Variants in CACNA2D3 observed in about 807,000 individuals in gnomAD.
CACNA2D3 encodes the protein voltage-dependent calcium channel subunit alpha-2/delta-3.
A neutral mutation model predicts 160.6 loss-of-function variants in CACNA2D3; 60 were observed. The observed-to-expected ratio is 0.37, with a 90% CI of 0.30 to 0.46. The LOEUF is 0.46. Ranked by LOEUF, CACNA2D3 falls within the 20% of genes least tolerant of loss-of-function variation. The pLI, the probability that CACNA2D3 is intolerant of heterozygous loss-of-function variation, is 1.00. For missense variants in CACNA2D3, 1,205 were observed against 1,365.0 expected, an observed-to-expected ratio of 0.88 and a Z score of 1.85; for synonymous variants, 558 against 492.9, an observed-to-expected ratio of 1.13 and a Z score of -1.75.
intron 2 of CACNA2D3, among the ~76,000 whole-genome samples, chr3:54,278,816 A>G (rs1456961335): frequency 6.6e-6 from 1 of 152,018 alleles, no homozygotes; most frequent in Non-Finnish European, 1.5e-5. Flanking sequence ...GGGGAACATC[A>G]CACACCAGGG....
intron 2 of CACNA2D3, among the ~76,000 whole-genome samples, chr3:54,153,700 G>A (rs1218905996): frequency 6.6e-6 from 1 of 152,226 alleles, no homozygotes; most frequent in Non-Finnish European, 1.5e-5. Flanking sequence ...AGACTGGTGT[G>A]TGTGTATGTA....
At chr3:54,317,527 G>A (rs938429762) in intron 2 of CACNA2D3, among the ~76,000 whole-genome samples, 9 of 151,782 alleles carry the variant, frequency 5.9e-5, no homozygotes, top group African/African-American at 2.2e-4. Context: ...GCAAGAGTGG[G>A]CCAAACTCAC....
chr3:54,742,036 T>C (rs1463943572), intron 11 of CACNA2D3, among the ~76,000 whole-genome samples: 2 of 152,060 alleles, frequency 1.3e-5, no homozygotes, highest in African/African-American at 4.8e-5. Flanking sequence ...TTGGCTAATT[T>C]TTATATTTTT....
rs397755008 is a variant in CACNA2D3 at position 54,591,567 on chromosome 3, GTTTTTT to G, written c.963+9705_963+9710del. Among the ~76,000 whole-genome samples the G allele has an allele frequency of 3.3e-5, 4 of 121,356 alleles. No homozygotes were observed. In the East Asian group the frequency reaches 8.2e-4, roughly 25 times the overall value. 79.6% of individuals were successfully genotyped at this position (121,356 alleles called of 152,430 possible). The stretch of plus-strand genomic sequence containing the variant: ...TGGGAGAGGACTGTGGTTGAAAAAA[GTTTTTT>G]TTTTTTTTTTTTTTCACATCACTAG... On this transcript the variant is annotated intron_variant, in intron 9 of 37. Transcript: ENST00000474759.
chr3:55,046,371 G>A lies in CACNA2D3; in HGVS notation c.2988-27074G>A, dbSNP rs1276723020. ...GCAGTGTTTGGTTTTTTGTTCTTGC[G>A]ATAGTTTACTGAGAATGATGATTTC... is the stretch of plus-strand genomic sequence containing the variant. On this transcript the variant is annotated intron_variant, in intron 35 of 37. Coordinates refer to ENST00000474759, the MANE Select transcript of CACNA2D3 (RefSeq NM_018398.3). Among the ~76,000 whole-genome samples the A allele has an allele frequency of 3.7e-5, 4 of 109,324 alleles. 1 individual carries two copies. The highest frequency in any genetic ancestry group is 2.3e-4 in the East Asian group (1 of 4,342). 71.7% of individuals were successfully genotyped at this position (109,324 alleles called of 152,430 possible).
chr3:54,681,550 C>G (rs1700351274), intron 11 of CACNA2D3, among the ~76,000 whole-genome samples: 1 of 146,732 alleles, frequency 6.8e-6, no homozygotes, highest in African/African-American at 2.5e-5. Flanking sequence ...GAGTGAGACT[C>G]CATCTCAAAA....
chr3:54,564,508 G>A (rs1575348676), intron 6 of CACNA2D3, among the ~76,000 whole-genome samples: 1 of 152,188 alleles, frequency 6.6e-6, no homozygotes, highest in African/African-American at 2.4e-5. Flanking sequence ...CTCTGTGCTT[G>A]GTTCTGAACA....
chr3:54,597,377 ATTTC>A (rs754792747), intron 9 of CACNA2D3, among the ~76,000 whole-genome samples: 1 of 151,732 alleles, frequency 6.6e-6, no homozygotes, highest in Non-Finnish European at 1.5e-5. Flanking sequence ...TATAACAGGC[ATTTC>A]TTTCTTTCTT....
intron 4 of CACNA2D3, among the ~76,000 whole-genome samples, chr3:54,461,304 G>T (rs1372910113): frequency 1.3e-5 from 2 of 150,822 alleles, no homozygotes; most frequent in East Asian, 3.9e-4. Flanking sequence ...ATGAGTTAGG[G>T]AGGATTCCCT....
chr3:54,176,254 C>A (rs1443212965), intron 2 of CACNA2D3, among the ~76,000 whole-genome samples: 1 of 152,198 alleles, frequency 6.6e-6, no homozygotes, highest in Non-Finnish European at 1.5e-5. Context: ...CTTCTTTCCT[C>A]GCTCCAGGAT....
chr3:54,875,991 CTA>C (rs922087395), intron 18 of CACNA2D3, among the ~76,000 whole-genome samples: 1 of 152,218 alleles, frequency 6.6e-6, no homozygotes, highest in Non-Finnish European at 1.5e-5. Flanking sequence ...CTTTCTCTGA[CTA>C]TGTGTTAAGT....
intron 11 of CACNA2D3, among the ~76,000 whole-genome samples, chr3:54,675,382 G>A (rs1484921240): frequency 3.3e-5 from 5 of 152,170 alleles, no homozygotes; most frequent in Non-Finnish European, 4.4e-5. Context: ...CAAAGGAACG[G>A]CTGGACAGAG....
At chr3:54,209,570 T>G (rs1701335072) in intron 2 of CACNA2D3, among the ~76,000 whole-genome samples, 1 of 152,218 alleles carries the variant, frequency 6.6e-6, no homozygotes, top group South Asian at 2.1e-4. Flanking sequence ...CAACTTTATT[T>G]AAAGAAAAGC....
intron 11 of CACNA2D3, among the ~76,000 whole-genome samples, chr3:54,642,492 A>C (rs1699544934): frequency 6.6e-6 from 1 of 152,198 alleles, no homozygotes; most frequent in Admixed American, 6.5e-5. Context: ...TTCATTGTGA[A>C]GTGTGCTTCA....
chr3:54,896,869 T>C lies in CACNA2D3; in HGVS notation c.2367T>C (p.Thr789=), dbSNP rs1458352435. The change falls in exon 26 of 38, where the codon ACT becomes ACC. Residue 789 remains threonine (T), a splice_region_variant and synonymous_variant. Transcript: ENST00000474759. ...GSFVYSIPFS[T]GPVNKSNVVT... Reference sequence around the variant, plus strand: ...TCGTCTACTCGATCCCATTCAGCACTGGTGGGTGCCCTTGTTGGAGGCGGG... The same window carrying C: ...TCGTCTACTCGATCCCATTCAGCACCGGTGGGTGCCCTTGTTGGAGGCGGG... 6.2e-7 allele frequency: 1 copy of C among 1,613,850 alleles called. No individual in the cohort carries two copies. Among genetic ancestry groups the C allele is most frequent in the East Asian group, 2.2e-5 (1 of 44,888 alleles).
intron 29 of CACNA2D3, among the ~76,000 whole-genome samples, chr3:54,977,318 A>G (rs997319562): frequency 1.1e-4 from 17 of 152,082 alleles, no homozygotes; most frequent in African/African-American, 3.9e-4. Flanking sequence ...TCTGCCTCTG[A>G]CAGATTCTAA....
At chr3:54,123,940 A>G (rs1164565877) in intron 2 of CACNA2D3, among the ~76,000 whole-genome samples, 1 of 152,166 alleles carries the variant, frequency 6.6e-6, no homozygotes, top group East Asian at 1.9e-4. Flanking sequence ...AACTTCATCC[A>G]AGGGGCAGAC....
At chr3:54,664,754 G>T (rs1700033385) in intron 11 of CACNA2D3, among the ~76,000 whole-genome samples, 1 of 152,218 alleles carries the variant, frequency 6.6e-6, no homozygotes, top group African/African-American at 2.4e-5. Context: ...TGAGCAGGGG[G>T]ACTCAGAGGC....
At chr3:54,564,501 T>A (rs1463844967) in intron 6 of CACNA2D3, among the ~76,000 whole-genome samples, 1 of 152,210 alleles carries the variant, frequency 6.6e-6, no homozygotes, top group Non-Finnish European at 1.5e-5. Context: ...CACTCAACTC[T>A]GTGCTTGGTT....
Sources: allele counts gnomAD v4.1 joint callset (sites outside exome capture counted in the v4.1 genomes callset), GRCh38; gene constraint gnomAD v4.1.1; transcripts MANE v1.5; gene names NCBI Gene and HGNC (gene_info 2026-07-23, HGNC 2026-07-21).